Variants in DENND5B observed in about 807,000 individuals in gnomAD.
DENND5B encodes DENN domain-containing protein 5B.
A neutral mutation model predicts 140.6 loss-of-function variants in DENND5B; 34 were observed. That is an observed-to-expected ratio of 0.24 (90% CI 0.18 to 0.32). DENND5B has a LOEUF of 0.32. Ranked by LOEUF, DENND5B falls within the 10% of genes least tolerant of loss-of-function variation. The pLI is 1.00. For missense variants in DENND5B, 1,142 were observed against 1,560.2 expected (o/e 0.73, Z 4.52); for synonymous variants, 551 against 562.1 (o/e 0.98, Z 0.28).
intron 1 of DENND5B, among the ~76,000 whole-genome samples, chr12:31,532,507 T>A (rs1484459263): frequency 6.6e-6 from 1 of 152,078 alleles, no homozygotes; most frequent in Non-Finnish European, 1.5e-5. Flanking sequence ...AAAAGATCAT[T>A]CTGGCTTCAC....
rs1266762258 is a variant in DENND5B, at chr12:31,383,851, A to T, written c.*3752T>A. 1 of 152,168 alleles carries T rather than the reference A, an allele frequency of 6.6e-6. No individual in the cohort carries two copies. The highest frequency in any genetic ancestry group is 1.5e-5 in the Non-Finnish European group (1 of 68,032). 9.4% of individuals were successfully genotyped at this position (152,168 alleles called of 1,614,324 possible). A position where few individuals can be genotyped will look rare whatever the true frequency, so the allele number is the denominator to read the frequency against. On this transcript the variant is annotated 3_prime_UTR_variant, in exon 21 of 21. Coordinates refer to ENST00000389082, the MANE Select transcript of DENND5B (RefSeq NM_144973.4). ...CATATGAAAAACTTTGGGAAAATAA[A>T]TTTTTCAAGAGGTAATACTTTTGGC... is the stretch of plus-strand genomic sequence containing the variant.
intron 11 of DENND5B, among the ~76,000 whole-genome samples, chr12:31,421,652 C>G (rs1034725300): frequency 1.3e-5 from 2 of 152,060 alleles, no homozygotes; most frequent in African/African-American, 4.8e-5. Flanking sequence ...CAGGTTCAAG[C>G]GATTCTCCTG....
intron 1 of DENND5B, among the ~76,000 whole-genome samples, chr12:31,507,615 T>G (rs1947253408): frequency 6.6e-6 from 1 of 152,116 alleles, no homozygotes; most frequent in East Asian, 1.9e-4. Flanking sequence ...ATAATAAAAT[T>G]TGAAGTGAGA....
intron 2 of DENND5B, among the ~76,000 whole-genome samples, chr12:31,480,941 A>C (rs573528056): frequency 6.6e-6 from 1 of 152,292 alleles, no homozygotes; most frequent in East Asian, 1.9e-4. Flanking sequence ...GGATTGAGGA[A>C]ACTTGAGAAC....
chr12:31,430,497 C>CAAAAAAA (rs71062432), intron 8 of DENND5B, among the ~76,000 whole-genome samples: 15 of 56,068 alleles, frequency 2.7e-4, no homozygotes, highest in African/African-American at 3.0e-4. Flanking sequence ...ACTAAAAATA[C>CAAAAAAA]AAAAAAAAAA....
chr12:31,425,952 G>A (rs995379423), intron 9 of DENND5B, among the ~76,000 whole-genome samples: 1 of 152,182 alleles, frequency 6.6e-6, no homozygotes, highest in Non-Finnish European at 1.5e-5. Flanking sequence ...GTACACAGGT[G>A]CATACACAGA....
At chr12:31,436,155 A>G (rs1943745822) in intron 7 of DENND5B, among the ~76,000 whole-genome samples, 1 of 149,982 alleles carries the variant, frequency 6.7e-6, no homozygotes, top group Non-Finnish European at 1.5e-5. Flanking sequence ...CCCAGGCTGG[A>G]GTGCAGTGGC....
At chr12:31,489,355 CA>C (rs1422893668) in intron 2 of DENND5B, among the ~76,000 whole-genome samples, 1 of 148,076 alleles carries the variant, frequency 6.8e-6, no homozygotes, top group African/African-American at 2.5e-5. Context: ...CTTGGTAACT[CA>C]AAAGACAAAG....
rs540756132 is a variant in DENND5B, at chr12:31,486,645, A to G, written c.238-6390T>C. 1.8e-3 allele frequency among the ~76,000 whole-genome samples: 278 copies of G among 152,328 alleles called. 2 individuals carry two copies. The highest frequency in any genetic ancestry group is 6.3e-3 in the African/African-American group (264 of 41,580). ...TCAACTACTTATTATTTGGTTCTTC[A>G]TGAAAAAAATTGCCAAGCCCTATTT... is the stretch of plus-strand genomic sequence containing the variant. On this transcript the variant is annotated intron_variant, in intron 2 of 20. Transcript: ENST00000389082.
chr12:31,574,870 G>A (rs1565710620), intron 1 of DENND5B, among the ~76,000 whole-genome samples: 3 of 152,162 alleles, frequency 2.0e-5, no homozygotes, highest in Non-Finnish European at 4.4e-5. Context: ...AGCTAGAGCT[G>A]CCAGTGAAAA....
At chr12:31,523,607 CAA>C (rs201384267) in intron 1 of DENND5B, among the ~76,000 whole-genome samples, 2 of 139,444 alleles carry the variant, frequency 1.4e-5, no homozygotes, top group South Asian at 2.2e-4. Context: ...TGCTTTTCCT[CAA>C]AAAAAAAAAA....
intron 11 of DENND5B, among the ~76,000 whole-genome samples, chr12:31,417,249 C>G (rs753482600): frequency 6.9e-6 from 1 of 144,770 alleles, no homozygotes; most frequent in Non-Finnish European, 1.5e-5. Context: ...CCCAGCTACT[C>G]GGGAGGCTGA....
At chr12:31,410,067 T>C (rs536770760) in intron 13 of DENND5B, among the ~76,000 whole-genome samples, 3 of 152,266 alleles carry the variant, frequency 2.0e-5, no homozygotes, top group South Asian at 2.1e-4. Context: ...TTTAACCTAA[T>C]AATTAAGGAA....
At chr12:31,563,199 A>T (rs1307985428) in intron 1 of DENND5B, among the ~76,000 whole-genome samples, 3 of 152,196 alleles carry the variant, frequency 2.0e-5, no homozygotes, top group African/African-American at 7.2e-5. Context: ...AAGAGAAGCC[A>T]AAGGAAGACT....
chr12:31,573,285 G>T (rs1218821861), intron 1 of DENND5B, among the ~76,000 whole-genome samples: 2 of 152,214 alleles, frequency 1.3e-5, no homozygotes, highest in East Asian at 1.9e-4. Flanking sequence ...AGCAAAAAAT[G>T]TAAGAAGTTA....
At chr12:31,578,318 G>A (rs1950094944) in intron 1 of DENND5B, among the ~76,000 whole-genome samples, 1 of 152,118 alleles carries the variant, frequency 6.6e-6, no homozygotes, top group African/African-American at 2.4e-5. Context: ...CAGCAAAAGT[G>A]TTGAGACACA....
intron 1 of DENND5B, among the ~76,000 whole-genome samples, chr12:31,574,660 T>C (rs1949950755): frequency 6.6e-6 from 1 of 152,092 alleles, no homozygotes; most frequent in Non-Finnish European, 1.5e-5. Flanking sequence ...GTTCTTAAGT[T>C]TTTGTTTTCT....
intron 3 of DENND5B, among the ~76,000 whole-genome samples, chr12:31,479,355 C>A (rs1002531035): frequency 6.6e-6 from 1 of 152,194 alleles, no homozygotes; most frequent in African/African-American, 2.4e-5. Context: ...ATACCCAAAT[C>A]AGCCAAGTTA....
chr12:31,448,129 A>G (rs1427681526), intron 5 of DENND5B, among the ~76,000 whole-genome samples: 4 of 151,704 alleles, frequency 2.6e-5, no homozygotes, highest in Admixed American at 2.0e-4. Context: ...AATGAGTTGT[A>G]ATTTCGTTTT....
Sources: allele counts gnomAD v4.1 joint callset (sites outside exome capture counted in the v4.1 genomes callset), GRCh38; gene constraint gnomAD v4.1.1; transcripts MANE v1.5; gene names NCBI Gene and HGNC (gene_info 2026-07-23, HGNC 2026-07-21).